PODN: variants seen among roughly 807,000 people sequenced by gnomAD.
PODN encodes podocan.
In PODN, 40 loss-of-function variants were observed where a neutral mutation model predicts 52.7. The observed-to-expected ratio is 0.76, with a 90% CI of 0.59 to 0.99. PODN has a LOEUF of 0.99. Among genes scored for constraint, PODN ranks in the 50% least tolerant of loss-of-function variants. The pLI, the probability that PODN is intolerant of heterozygous loss-of-function variation, is 0.00. For missense variants in PODN, 720 were observed against 815.1 expected, an observed-to-expected ratio of 0.88 and a Z score of 1.42; for synonymous variants, 396 against 377.9, an observed-to-expected ratio of 1.05 and a Z score of -0.56.
intron 6 of PODN, 96 bp downstream of exon 6, chr1:53,077,442 A>C (rs1288292017): frequency 6.6e-7 from 1 of 1,519,494 alleles, no homozygotes; most frequent in East Asian, 2.3e-5. Flanking sequence ...CCACATGGCC[A>C]CAGGTGCTGC....
rs1643991418 is a variant in PODN at position 53,063,589 on chromosome 1, C to T, written c.-56+1281C>T. The T allele has an allele frequency of 3.0e-6, 3 of 985,308 alleles. No individual in the cohort carries two copies. In the African/African-American group the frequency reaches 5.2e-5, roughly 17 times the overall value. 61.0% of individuals were successfully genotyped at this position (985,308 alleles called of 1,614,324 possible). A position where few individuals can be genotyped will look rare whatever the true frequency, so the allele number is the denominator to read the frequency against. ...GTCACTCAGAAGAGCCCGTGGACTGCCCTGGGAAAGACCAGGGGGGACTGC... is the reference window on the plus strand; with the variant it reads ...GTCACTCAGAAGAGCCCGTGGACTGTCCTGGGAAAGACCAGGGGGGACTGC... On this transcript the variant is annotated intron_variant, in intron 1 of 10. Transcript: ENST00000312553.
At chr1:53,078,340 C>A in intron 7 of PODN, 25 bp from the exon 8 acceptor site, 1 of 1,587,106 alleles carries the variant, frequency 6.3e-7, no homozygotes. Flanking sequence ...TCTTGCCAAC[C>A]GTCCTAATTC....
intron 1 of PODN, among the ~76,000 whole-genome samples, chr1:53,064,517 G>T (rs1282050096): frequency 6.6e-6 from 1 of 152,224 alleles, no homozygotes; most frequent in African/African-American, 2.4e-5. Context: ...CAGTTGATTT[G>T]TACTGACTTT....
intron 1 of PODN, chr1:53,063,537 C>G (rs1441842062): frequency 9.1e-6 from 9 of 985,492 alleles, no homozygotes; most frequent in African/African-American, 3.5e-5. Flanking sequence ...GCCGGCTGAT[C>G]TGCAGGCGCA....
intron 4 of PODN, 28 bp from the exon 5 acceptor site, chr1:53,075,834 C>T: frequency 6.4e-7 from 1 of 1,558,582 alleles, no homozygotes; most frequent in South Asian, 1.2e-5. Context: ...CTCCATTGCT[C>T]TTTCGGCCCC....
intron 8 of PODN, among the ~76,000 whole-genome samples, chr1:53,080,165 G>A (rs1644261491): frequency 6.6e-6 from 1 of 152,176 alleles, no homozygotes; most frequent in South Asian, 2.1e-4. Flanking sequence ...AGACAGAATG[G>A]CCTGGGGCCT....
intron 5 of PODN, 51 bp from the exon 6 acceptor site, chr1:53,077,139 C>T (rs756444044): frequency 7.5e-6 from 12 of 1,592,950 alleles, no homozygotes; most frequent in Admixed American, 3.4e-5. Context: ...GTTGAGCTGG[C>T]GCAGGGCCTG....
At chr1:53,072,975 T>C (rs981853272) in intron 3 of PODN, 3 of 210,816 alleles carry the variant, frequency 1.4e-5, no homozygotes, top group Non-Finnish European at 3.0e-5. Flanking sequence ...GGCAGAAGAA[T>C]CACATGAACC....
intron 8 of PODN, 82 bp downstream of exon 8, chr1:53,079,104 TGAG>T (rs1477639066): frequency 2.8e-6 from 4 of 1,416,150 alleles, no homozygotes; most frequent in Admixed American, 2.7e-5. Flanking sequence ...GTCTGAAGGG[TGAG>T]GAGAAGGGCT....
intron 1 of PODN, among the ~76,000 whole-genome samples, chr1:53,067,772 C>T (rs997336832): frequency 6.6e-6 from 1 of 152,068 alleles, no homozygotes; most frequent in East Asian, 1.9e-4. Context: ...AAAAATTTGG[C>T]TGGCACGGTT....
At chr1:53,065,083 G>C (rs1035912625) in intron 1 of PODN, among the ~76,000 whole-genome samples, 9 of 152,226 alleles carry the variant, frequency 5.9e-5, no homozygotes, top group Non-Finnish European at 1.2e-4. Context: ...GAAGAGCAAG[G>C]CTGGGTACAG....
rs140648757 is a variant in PODN, at chr1:53,062,340, G to A, written c.-56+32G>A. On this transcript the variant is annotated intron_variant, in intron 1 of 10. Coordinates refer to ENST00000312553, the MANE Select transcript of PODN (RefSeq NM_153703.5). ...GGCGCTGGCAGCCGGGGTGGGCCGA[G>A]GGGCCGGGGGCTGAGCCCGGGCAGC... 8.7e-3 allele frequency: 10,744 copies of A among 1,233,624 alleles called. 58 individuals are homozygous for A. The highest frequency in any genetic ancestry group is 0.023 in the African/African-American group (1,465 of 63,876). 76.4% of individuals were successfully genotyped at this position (1,233,624 alleles called of 1,614,324 possible). A position where few individuals can be genotyped will look rare whatever the true frequency, so the allele number is the denominator to read the frequency against.
Position 53,077,710 on chromosome 1 carries a change from C to T in PODN, c.764C>T (p.Pro255Leu), listed in dbSNP as rs200853703. The change falls in exon 7 of 11, where the codon CCG becomes CTG. Residue 255 changes from proline to leucine, a missense_variant. Transcript: ENST00000312553. ...AACAACAAGCTGGAGAAGATCCCCC[C>T]GGGGGCCTTCAGCGAGCTGAGCAGC... ...LKNNKLEKIP[P>L]GAFSELSSLR... 3.1e-5 allele frequency: 50 copies of T among 1,613,384 alleles called. No homozygotes were observed. The African/African-American group carries it at 3.7e-4, about 12-fold the overall frequency.
chr1:53,074,695 G>T, intron 4 of PODN, 25 bp downstream of exon 4: 1 of 1,611,130 alleles, frequency 6.2e-7, no homozygotes, highest in Non-Finnish European at 8.5e-7. Context: ...GCAGGGTGGG[G>T]GGTTGCTGCC....
chr1:53,069,744 C>G, intron 1 of PODN, 57 bp from the exon 2 acceptor site: 1 of 1,515,922 alleles, frequency 6.6e-7, no homozygotes, highest in African/African-American at 1.4e-5. Flanking sequence ...GCTTTGTGCT[C>G]GGGAGGGCCC....
At chr1:53,079,110 GA>G (rs914994446) in intron 8 of PODN, 88 bp downstream of exon 8, 3 of 1,405,410 alleles carry the variant, frequency 2.1e-6, no homozygotes, top group African/African-American at 2.9e-5. Context: ...AGGGTGAGGA[GA>G]AGGGCTGGGT....
At chr1:53,078,339 C>T (rs751339915) in intron 7 of PODN, 26 bp from the exon 8 acceptor site, 3 of 1,586,780 alleles carry the variant, frequency 1.9e-6, no homozygotes, top group South Asian at 2.2e-5. Flanking sequence ...CTCTTGCCAA[C>T]CGTCCTAATT....
chr1:53,062,860 G>C (rs923902325), intron 1 of PODN, among the ~76,000 whole-genome samples: 2 of 152,256 alleles, frequency 1.3e-5, no homozygotes, highest in Non-Finnish European at 2.9e-5. Flanking sequence ...TCCGGGGCTC[G>C]GCTTCCCCGG....
Position 53,082,122 on chromosome 1 carries a change from GGAGGAA to G in PODN, c.1809_1814del (p.Glu610_Glu611del), listed in dbSNP as rs753124901. 3.4e-5 allele frequency: 55 copies of G among 1,612,484 alleles called. No individual in the cohort carries two copies. The Admixed American group carries it at 6.0e-4, about 18-fold the overall frequency. ...GCCGCTTGGGGAAGGAAAAGGAGGA[GGAGGAA>G]GAGGAGGAGGAGGAGGAAGAGGAAA... On this transcript the variant is annotated inframe_deletion, in exon 10 of 11. Transcript: ENST00000312553.
Sources: allele counts gnomAD v4.1 joint callset (sites outside exome capture counted in the v4.1 genomes callset), GRCh38; gene constraint gnomAD v4.1.1; transcripts MANE v1.5; gene names NCBI Gene and HGNC (gene_info 2026-07-23, HGNC 2026-07-21).